The following SOX6 variants were observed in gnomAD, a reference collection of about 807,000 sequenced individuals.
SOX6 encodes transcription factor SOX-6.
A neutral mutation model predicts 97.8 loss-of-function variants in SOX6; 11 were observed. The ratio of observed to expected loss-of-function variants is 0.11; its 90% CI spans 0.07 to 0.19. The LOEUF is 0.19. Ranked by LOEUF, SOX6 falls within the 10% of genes least tolerant of loss-of-function variation. The probability of loss-of-function intolerance (pLI) is 1.00; values close to 1 mark genes in which losing one functional copy is unlikely to be tolerated. For missense variants in SOX6, 810 were observed against 1,039.5 expected (o/e 0.78, Z 3.04); for synonymous variants, 360 against 371.4 (o/e 0.97, Z 0.35).
At position 16,096,011 on chromosome 11, in the gene SOX6, G is replaced by T. The variant is rs1228730556; in HGVS notation, c.1086C>A (p.Asn362Lys). ...GCATTCATACCTCAATCTGTTTGTG[G>T]TTGTAAGAGTGGCCACCACCATGTT... ...TFEHGGGHSY[N>K]HKQIEQLYAA... The change falls in exon 9 of 16, where the codon AAC becomes AAA. Residue 362 changes from asparagine (N) to lysine (K), a missense_variant. Physicochemically the swap from Asn to Lys is moderately conservative, Grantham distance 94. Coordinates refer to ENST00000683767, the MANE Select transcript of SOX6 (RefSeq NM_001367873.1). The T allele has an allele frequency of 6.2e-7, 1 of 1,611,138 alleles. No individual in the cohort carries two copies. The highest frequency in any genetic ancestry group is 1.7e-5 in the Admixed American group (1 of 59,718).
chr11:16,629,693 A>T (rs1848676303), intron 3 of SOX6, among the ~76,000 whole-genome samples: 1 of 152,006 alleles, frequency 6.6e-6, no homozygotes, highest in South Asian at 2.1e-4. Context: ...TTGTGCATCT[A>T]GTAGAATTTA....
intron 4 of SOX6, among the ~76,000 whole-genome samples, chr11:16,201,435 G>A (rs968926029): frequency 5.3e-5 from 8 of 151,182 alleles, no homozygotes; most frequent in Non-Finnish European, 1.2e-4. Flanking sequence ...CTATTCTTTA[G>A]AATAATTAGG....
At position 16,736,558 on chromosome 11, in the gene SOX6, C is replaced by A. The variant is rs1848392534; in HGVS notation, n.220-86G>T. On this transcript the variant is annotated intron_variant and non_coding_transcript_variant, in intron 1 of 5. Transcript: ENST00000524520. Reference sequence around the variant, plus strand: ...TAGTAAAATTAAAATTATATAGTAACTACTATTCTTATTGACAATCCTTTC... The same window carrying A: ...TAGTAAAATTAAAATTATATAGTAAATACTATTCTTATTGACAATCCTTTC... 2.0e-5 allele frequency: 3 copies of A among 152,292 alleles called. No individual in the cohort carries two copies. In the South Asian group the frequency reaches 6.2e-4, roughly 32 times the overall value. The allele number at this position is 152,292 out of a possible 1,614,324, so 9.4% of individuals were successfully genotyped here.
intron 3 of SOX6, among the ~76,000 whole-genome samples, chr11:16,685,698 G>A (rs571680768): frequency 2.3e-4 from 35 of 152,394 alleles, no homozygotes; most frequent in Non-Finnish European, 4.3e-4. Context: ...CAAGCTGTCA[G>A]TGGATCTGTC....
intron 3 of SOX6, among the ~76,000 whole-genome samples, chr11:16,639,623 T>A (rs1195182398): frequency 6.6e-6 from 1 of 152,206 alleles, no homozygotes; most frequent in Non-Finnish European, 1.5e-5. Context: ...CTTGAAGAGG[T>A]CCTTCACATC....
At chr11:16,617,078 A>G (rs1373990638) in intron 3 of SOX6, among the ~76,000 whole-genome samples, 2 of 151,886 alleles carry the variant, frequency 1.3e-5, no homozygotes, top group African/African-American at 4.8e-5. Flanking sequence ...AAACAAACAA[A>G]TGAAAGCTAA....
intron 9 of SOX6, among the ~76,000 whole-genome samples, chr11:16,086,064 C>T (rs745536095): frequency 1.5e-4 from 23 of 152,126 alleles, no homozygotes; most frequent in Non-Finnish European, 2.8e-4. Flanking sequence ...TAACTAGATG[C>T]TGAATCTTCT....
intron 4 of SOX6, among the ~76,000 whole-genome samples, chr11:16,573,826 A>T (rs548697389): frequency 6.6e-6 from 1 of 152,326 alleles, no homozygotes; most frequent in African/African-American, 2.4e-5. Flanking sequence ...ACACTAAAGC[A>T]TGTTTGTTCC....
chr11:16,018,103 T>A (rs1854941516), intron 12 of SOX6, among the ~76,000 whole-genome samples: 1 of 152,126 alleles, frequency 6.6e-6, no homozygotes, highest in South Asian at 2.1e-4. Context: ...ATGAGGTAGA[T>A]GTTGCATATT....
intron 9 of SOX6, among the ~76,000 whole-genome samples, chr11:16,094,509 G>A (rs1432202192): frequency 6.6e-6 from 1 of 151,926 alleles, no homozygotes; most frequent in Non-Finnish European, 1.5e-5. Context: ...GAAAAGTCCA[G>A]CAGGAGAGGA....
chr11:16,030,452 CTT>C (rs1431750523), intron 12 of SOX6, among the ~76,000 whole-genome samples: 1 of 152,148 alleles, frequency 6.6e-6, no homozygotes, highest in Admixed American at 6.5e-5. Context: ...TGACTGCAAA[CTT>C]TACTTCTCTT....
chr11:16,361,272 T>C (rs1857204861), upstream of SOX6, among the ~76,000 whole-genome samples: 1 of 152,150 alleles, frequency 6.6e-6, no homozygotes, highest in Non-Finnish European at 1.5e-5. Flanking sequence ...TTGACTACTT[T>C]ACAATAAAAC....
chr11:16,638,072 C>T (rs971164160), intron 3 of SOX6, among the ~76,000 whole-genome samples: 3 of 114,064 alleles, frequency 2.6e-5, no homozygotes, highest in African/African-American at 1.0e-4. Flanking sequence ...CACCCCTCAA[C>T]AGGCCCTGGT....
chr11:16,565,120 A>T (rs1163209122), intron 4 of SOX6, among the ~76,000 whole-genome samples: 1 of 152,158 alleles, frequency 6.6e-6, no homozygotes. Context: ...GAAATAGGGG[A>T]TATCATTACA....
intron 1 of SOX6, among the ~76,000 whole-genome samples, chr11:16,423,485 C>T (rs1253847677): frequency 1.3e-5 from 2 of 152,136 alleles, no homozygotes; most frequent in Non-Finnish European, 2.9e-5. Context: ...TAGAATAGTG[C>T]TTTATGTGTA....
At chr11:16,717,968 T>C (rs1232283907) in intron 2 of SOX6, among the ~76,000 whole-genome samples, 5 of 148,218 alleles carry the variant, frequency 3.4e-5, no homozygotes, top group Admixed American at 7.0e-5. Flanking sequence ...TTTTTTTTTT[T>C]CCAACCATTT....
At chr11:16,500,424 C>T (rs1383394462) in intron 4 of SOX6, among the ~76,000 whole-genome samples, 1 of 152,158 alleles carries the variant, frequency 6.6e-6, no homozygotes, top group Non-Finnish European at 1.5e-5. Context: ...CCTCTCCCAC[C>T]ACTCCTATTC....
intron 1 of SOX6, among the ~76,000 whole-genome samples, chr11:16,464,491 G>A (rs1859990923): frequency 1.3e-5 from 2 of 151,292 alleles, no homozygotes; most frequent in African/African-American, 4.9e-5. Context: ...GGGGAGAAAG[G>A]AAAAGGAAGG....
intron 6 of SOX6, among the ~76,000 whole-genome samples, chr11:16,154,320 C>G (rs2134060804): frequency 6.6e-6 from 1 of 152,264 alleles, no homozygotes; most frequent in African/African-American, 2.4e-5. Context: ...TGCTAACAAT[C>G]ATTACAATAG....
Sources: allele counts gnomAD v4.1 joint callset (sites outside exome capture counted in the v4.1 genomes callset), GRCh38; gene constraint gnomAD v4.1.1; transcripts MANE v1.5; gene names NCBI Gene and HGNC (gene_info 2026-07-23, HGNC 2026-07-21).